CERS3: variants seen among roughly 807,000 people sequenced by gnomAD.
CERS3 encodes LAG1 homolog, ceramide synthase 3.
Under a neutral mutation model 50.3 loss-of-function variants are expected in CERS3, and 33 were observed. The ratio of observed to expected loss-of-function variants is 0.66; its 90% CI spans 0.50 to 0.88. The LOEUF is 0.88. Ranked by LOEUF, CERS3 falls within the 40% of genes least tolerant of loss-of-function variation. The pLI, the probability that CERS3 is intolerant of heterozygous loss-of-function variation, is 0.00. For synonymous variants in CERS3, 176 were observed against 155.2 expected, an observed-to-expected ratio of 1.13 and a Z score of -0.99; for missense variants, 470 against 460.3, an observed-to-expected ratio of 1.02 and a Z score of -0.19.
chr15:100,508,004 A>G (rs1041318509), intron 2 of CERS3, among the ~76,000 whole-genome samples: 2 of 152,200 alleles, frequency 1.3e-5, no homozygotes, highest in Non-Finnish European at 2.9e-5. Flanking sequence ...AAAGAGGTAG[A>G]TTCTATTGCC....
chr15:100,453,231 C>T (rs1048712661), intron 11 of CERS3, among the ~76,000 whole-genome samples: 2 of 152,092 alleles, frequency 1.3e-5, no homozygotes, highest in African/African-American at 4.8e-5. Context: ...CCCTGATTAA[C>T]ATAGATACAA....
intron 11 of CERS3, among the ~76,000 whole-genome samples, chr15:100,413,683 G>A (rs1320042621): frequency 1.3e-5 from 2 of 151,028 alleles, no homozygotes; most frequent in Non-Finnish European, 2.9e-5. Flanking sequence ...GAGCATGTGG[G>A]GAAAAAGAAA....
rs561365988 is a variant in CERS3 at position 100,472,829 on chromosome 15, A to G, written c.738+95T>C. 5 of 1,461,668 alleles carry G rather than the reference A, an allele frequency of 3.4e-6. No individual in the cohort carries two copies. In the East Asian group the frequency reaches 1.1e-4, roughly 33 times the overall value. 90.5% of individuals were successfully genotyped at this position (1,461,668 alleles called of 1,614,324 possible). On this transcript the variant is annotated intron_variant, in intron 9 of 11. Coordinates refer to ENST00000679737, the MANE Select transcript of CERS3 (RefSeq NM_001378789.1). ...CAGAATTTGGGTGTTTTCAGGACACAGAGCTCTGCTAAATTGCTCACAATT... is the reference window on the plus strand; with the variant it reads ...CAGAATTTGGGTGTTTTCAGGACACGGAGCTCTGCTAAATTGCTCACAATT...
At chr15:100,408,342 A>G (rs1168328634) in intron 11 of CERS3, among the ~76,000 whole-genome samples, 1 of 152,188 alleles carries the variant, frequency 6.6e-6, no homozygotes, top group Non-Finnish European at 1.5e-5. Context: ...TTGAGTTACC[A>G]GTTTAATACA....
At chr15:100,533,819 A>G (rs1483369719), upstream of CERS3, among the ~76,000 whole-genome samples, 1 of 152,008 alleles carries the variant, frequency 6.6e-6, no homozygotes, top group Non-Finnish European at 1.5e-5. Flanking sequence ...CGGCCTCCCA[A>G]AGTGCTGAGA....
At chr15:100,483,768 A>ATTATTATTATTATT (rs397943802) in intron 5 of CERS3, among the ~76,000 whole-genome samples, 2 of 132,422 alleles carry the variant, frequency 1.5e-5, no homozygotes, top group African/African-American at 5.6e-5. Context: ...GATCAATAAT[A>ATTATTATTATTATT]ATAATAATTA....
chr15:100,484,697 T>A (rs2035436327), intron 4 of CERS3, 29 bp from the exon 5 acceptor site: 1 of 1,492,596 alleles, frequency 6.7e-7, no homozygotes, highest in Non-Finnish European at 9.3e-7. Flanking sequence ...CATAAATGAG[T>A]GATAAAGAAC....
intron 1 of CERS3, among the ~76,000 whole-genome samples, chr15:100,535,553 T>G (rs2037050949): frequency 6.6e-6 from 1 of 151,988 alleles, no homozygotes; most frequent in Non-Finnish European, 1.5e-5. Context: ...TATGCTCATA[T>G]GTAAGCACGA....
intron 11 of CERS3, among the ~76,000 whole-genome samples, chr15:100,435,490 T>G (rs1209736768): frequency 2.0e-5 from 3 of 152,210 alleles, no homozygotes; most frequent in African/African-American, 7.2e-5. Context: ...CATTGAAGTC[T>G]TAAATGTAAA....
At chr15:100,446,395 G>A (rs934327543) in intron 11 of CERS3, among the ~76,000 whole-genome samples, 10 of 133,314 alleles carry the variant, frequency 7.5e-5, no homozygotes, top group African/African-American at 1.9e-4. Flanking sequence ...TAGATTAACC[G>A]AGATGTGGGC....
chr15:100,506,729 A>T (rs2036195339), intron 2 of CERS3, among the ~76,000 whole-genome samples: 1 of 152,196 alleles, frequency 6.6e-6, no homozygotes, highest in Non-Finnish European at 1.5e-5. Flanking sequence ...ATGTCCAGAG[A>T]TATAAATTAG....
At chr15:100,448,990 G>A (rs1276380806) in intron 11 of CERS3, among the ~76,000 whole-genome samples, 1 of 152,168 alleles carries the variant, frequency 6.6e-6, no homozygotes, top group Non-Finnish European at 1.5e-5. Context: ...GCCACTGAAA[G>A]TAACCCCACT....
chr15:100,524,735 T>C (rs2142394776), intron 1 of CERS3, among the ~76,000 whole-genome samples: 1 of 152,350 alleles, frequency 6.6e-6, no homozygotes, highest in South Asian at 2.1e-4. Context: ...TATTAAATGA[T>C]GTCAAGTAAT....
At chr15:100,504,049 A>G (rs2036091599) in intron 2 of CERS3, among the ~76,000 whole-genome samples, 1 of 152,096 alleles carries the variant, frequency 6.6e-6, no homozygotes, top group Non-Finnish European at 1.5e-5. Context: ...TCAGATGAGA[A>G]AGAATTCCAC....
chr15:100,490,217 T>G (rs2035610885), intron 4 of CERS3, among the ~76,000 whole-genome samples: 1 of 152,210 alleles, frequency 6.6e-6, no homozygotes, highest in East Asian at 1.9e-4. Context: ...TTCTTTTTTC[T>G]TTTTCTGAAT....
chr15:100,479,687 CT>C (rs1158921317), intron 6 of CERS3, among the ~76,000 whole-genome samples: 10 of 152,124 alleles, frequency 6.6e-5, no homozygotes, highest in Admixed American at 3.9e-4. Flanking sequence ...TATATAACAT[CT>C]CTGTGAAATT....
chr15:100,515,546 A>T (rs2036465932), intron 2 of CERS3, among the ~76,000 whole-genome samples: 1 of 152,192 alleles, frequency 6.6e-6, no homozygotes, highest in South Asian at 2.1e-4. Flanking sequence ...GTGAGGCAGG[A>T]AGTTGACTTA....
Position 100,469,378 on chromosome 15 carries a change from C to G in CERS3, c.845G>C (p.Trp282Ser). Residue 282 changes from tryptophan (W) to serine (S), a missense_variant and splice_region_variant, in exon 10 of 12, where the codon TGG becomes TCG. Transcript: ENST00000679737. ...CAGGGCACATCACCGGTCTACTCAC[C>G]AGAAAGGAAAAACAATGAGGCGGCT... ...FISRLIVFPFWILYCTLILPM... is the reference protein window; with the variant it reads ...FISRLIVFPFSILYCTLILPM... 6.2e-7 allele frequency: 1 copy of G among 1,612,772 alleles called. No homozygotes were observed. Among genetic ancestry groups the G allele is most frequent in the South Asian group, 1.1e-5 (1 of 91,034 alleles).
chr15:100,420,148 T>G (rs1489962752), intron 11 of CERS3, among the ~76,000 whole-genome samples: 8 of 148,166 alleles, frequency 5.4e-5, no homozygotes, highest in African/African-American at 1.7e-4. Flanking sequence ...AGGAGCTGGT[T>G]TTTTGAAAGG....
Sources: allele counts gnomAD v4.1 joint callset (sites outside exome capture counted in the v4.1 genomes callset), GRCh38; gene constraint gnomAD v4.1.1; transcripts MANE v1.5; gene names NCBI Gene and HGNC (gene_info 2026-07-23, HGNC 2026-07-21).